Variants in SUPT20H observed in about 807,000 individuals in gnomAD.
The protein encoded by SUPT20H is SPT20 homolog, SAGA complex component.
In SUPT20H, 82 loss-of-function variants were observed where a neutral mutation model predicts 122.8. The observed-to-expected ratio is 0.67, with a 90% CI of 0.56 to 0.80. SUPT20H has a LOEUF of 0.80. Among genes scored for constraint, SUPT20H ranks in the 30% least tolerant of loss-of-function variants. The pLI, the probability that SUPT20H is intolerant of heterozygous loss-of-function variation, is 0.00. For synonymous variants in SUPT20H, 291 were observed against 313.0 expected, an observed-to-expected ratio of 0.93 and a Z score of 0.74; for missense variants, 831 against 921.6, an observed-to-expected ratio of 0.90 and a Z score of 1.27.
In SUPT20H at chr13:37,009,541, C is replaced by A; in HGVS notation, c.*131G>T. 2 of 1,126,982 alleles carry A rather than the reference C, an allele frequency of 1.8e-6. No homozygotes were observed. The highest frequency in any genetic ancestry group is 2.6e-6 in the Non-Finnish European group (2 of 758,534). The allele number at this position is 1,126,982 out of a possible 1,614,324, so 69.8% of individuals were successfully genotyped here. ...TTTATTTAAAAATGATAAGGTTGTG[C>A]TTCTGTATAAAGTTTGTACATCTAG... On this transcript the variant is annotated 3_prime_UTR_variant, in exon 26 of 26. Coordinates refer to ENST00000350612, the MANE Select transcript of SUPT20H (RefSeq NM_001014286.3).
chr13:37,019,965 A>C (rs914237179), intron 21 of SUPT20H, among the ~76,000 whole-genome samples: 1 of 152,210 alleles, frequency 6.6e-6, no homozygotes, highest in Non-Finnish European at 1.5e-5. Flanking sequence ...AACACAGAGC[A>C]TATCTTAAAG....
chr13:37,045,132 G>T, intron 6 of SUPT20H, 115 bp downstream of exon 6: 1 of 1,354,822 alleles, frequency 7.4e-7, no homozygotes, highest in Non-Finnish European at 1.0e-6. Context: ...TTTATCACTA[G>T]GTCATCACTA....
intron 10 of SUPT20H, among the ~76,000 whole-genome samples, chr13:37,032,154 G>A (rs572132131): frequency 6.6e-6 from 1 of 152,096 alleles, no homozygotes; most frequent in African/African-American, 2.4e-5. Flanking sequence ...TCAGATTTCA[G>A]ACACCAAGAA....
At chr13:37,038,952 T>G (rs908996130) in intron 9 of SUPT20H, 1 of 152,224 alleles carries the variant, frequency 6.6e-6, no homozygotes, top group Non-Finnish European at 1.5e-5. Flanking sequence ...TCACTGATGC[T>G]TTTTGAAAAG....
chr13:37,021,917 T>C (rs577154730), intron 20 of SUPT20H, 94 bp downstream of exon 20: 9 of 1,380,428 alleles, frequency 6.5e-6, no homozygotes, highest in Admixed American at 2.3e-5. Flanking sequence ...CTGAGTAATA[T>C]GCGGTTTGTT....
chr13:37,040,409 G>A lies in SUPT20H; in HGVS notation c.563C>T (p.Thr188Ile). ...HSITSDNHKW[T>I]QEDKLLLESQ... ...TTAAAAAACAAAACAACTAACCTGG[G>A]TCCATTTGTGGTTATCACTTGTTAT... Residue 188 changes from threonine (T) to isoleucine (I), a missense_variant, in exon 9 of 26, where the codon ACC becomes ATC. By Grantham distance (89) the Thr-to-Ile change is moderately conservative (BLOSUM62 -1). Coordinates refer to ENST00000350612, the MANE Select transcript of SUPT20H (RefSeq NM_001014286.3). The A allele has an allele frequency of 4.5e-6, 7 of 1,565,520 alleles. No individual in the cohort carries two copies. The highest frequency in any genetic ancestry group is 6.0e-6 in the Non-Finnish European group (7 of 1,164,612).
chr13:37,033,431 T>C lies in SUPT20H; in HGVS notation c.707+18A>G. The C allele has an allele frequency of 6.2e-7, 1 of 1,607,106 alleles. No individual in the cohort carries two copies. The highest frequency in any genetic ancestry group is 8.5e-7 in the Non-Finnish European group (1 of 1,176,584). ...GCTACTTGTGTCTTTTGGTTCACCC[T>C]TCCACAAAGGCAATTACCGTTTCAT... On this transcript the variant is annotated intron_variant, in intron 10 of 25. Transcript: ENST00000350612.
Position 37,009,379 on chromosome 13 carries a change from T to C in SUPT20H, c.*293A>G. On this transcript the variant is annotated 3_prime_UTR_variant, in exon 26 of 26. Transcript: ENST00000350612. ...GCACAAACGTTTTATACTAAATAAA[T>C]ATCAAACTACATTCTTCTGAAAGAT... The C allele has an allele frequency of 1.2e-6, 1 of 803,872 alleles. No individual in the cohort carries two copies. Among genetic ancestry groups the C allele is most frequent in the Non-Finnish European group, 2.0e-6 (1 of 491,582 alleles). 49.8% of individuals were successfully genotyped at this position (803,872 alleles called of 1,614,324 possible).
intron 22 of SUPT20H, among the ~76,000 whole-genome samples, chr13:37,018,397 A>G (rs570064543): frequency 2.0e-5 from 3 of 152,350 alleles, no homozygotes; most frequent in Non-Finnish European, 2.9e-5. Context: ...TTGTTCTGCA[A>G]TTAGTCTGTA....
chr13:37,031,620 C>T lies in SUPT20H; in HGVS notation c.868G>A (p.Val290Ile), dbSNP rs1271077698. Residue 290 changes from valine (V) to isoleucine (I), a missense_variant, in exon 12 of 26, where the codon GTA becomes ATA. Coordinates refer to ENST00000350612, the MANE Select transcript of SUPT20H (RefSeq NM_001014286.3). The part of the protein sequence containing the change: ...DLKISKAGNC[V>I]DMWKRSPCNL... ...CAGGGACTCCGTTTCCACATATCTA[C>T]ACACTGAAAAATTAAAAACAATATA... is the stretch of plus-strand genomic sequence containing the variant. 1.0e-5 allele frequency: 16 copies of T among 1,566,998 alleles called. No homozygotes were observed. Among genetic ancestry groups the T allele is most frequent in the African/African-American group, 1.4e-5 (1 of 72,384 alleles).
intron 2 of SUPT20H, among the ~76,000 whole-genome samples, chr13:37,050,448 C>A (rs1212823258): frequency 6.6e-6 from 1 of 151,948 alleles, no homozygotes; most frequent in Non-Finnish European, 1.5e-5. Context: ...TTCCCTGATC[C>A]CATGTTCCAC....
In SUPT20H at chr13:37,009,777, C is replaced by A; in HGVS notation, c.2235G>T (p.Met745Ile). The stretch of plus-strand genomic sequence containing the variant: ...GAGCTGTTTGTGCTGCTGCTGCTGC[C>A]ATAGCCATTTGATGCTGCAAGAATC... ...QLRFLQHQMA[M>I]AAAAAQTAQL... Residue 745 changes from methionine to isoleucine, a missense_variant, in exon 26 of 26, where the codon ATG (methionine) becomes ATT (isoleucine). Transcript: ENST00000350612. 1 of 1,612,578 alleles carries A rather than the reference C, an allele frequency of 6.2e-7. No homozygotes were observed. Among genetic ancestry groups the A allele is most frequent in the Middle Eastern group, 1.7e-4 (1 of 6,058 alleles).
chr13:37,023,717 T>C (rs977659196), intron 19 of SUPT20H: 12 of 188,848 alleles, frequency 6.4e-5, no homozygotes, highest in African/African-American at 2.3e-4. Flanking sequence ...TAGGGTACAC[T>C]GGAATAAAAA....
chr13:37,032,236 A>G (rs2063482164), intron 10 of SUPT20H, among the ~76,000 whole-genome samples: 1 of 151,968 alleles, frequency 6.6e-6, no homozygotes, highest in Non-Finnish European at 1.5e-5. Context: ...AGGAATGGGG[A>G]GAGGGAGGGG....
intron 24 of SUPT20H, among the ~76,000 whole-genome samples, chr13:37,011,847 A>G (rs561948796): frequency 5.9e-5 from 9 of 152,342 alleles, no homozygotes; most frequent in African/African-American, 2.2e-4. Flanking sequence ...CAATCTAGAA[A>G]AATTCAGTCT....
At chr13:37,017,479 G>T (rs1384428497) in intron 22 of SUPT20H, 115 bp from the exon 23 acceptor site, 1 of 1,094,336 alleles carries the variant, frequency 9.1e-7, no homozygotes, top group Admixed American at 3.1e-5. Flanking sequence ...TCTAGTTATT[G>T]AAGAAACAGG....
Position 37,009,670 on chromosome 13 carries a change from A to T in SUPT20H, c.*2T>A. 6.2e-7 allele frequency: 1 copy of T among 1,613,260 alleles called. No homozygotes were observed. Among genetic ancestry groups the T allele is most frequent in the Non-Finnish European group, 8.5e-7 (1 of 1,179,816 alleles). On this transcript the variant is annotated 3_prime_UTR_variant, in exon 26 of 26. Transcript: ENST00000350612. ...AAAAAGGAACAAAAAGTAATGCAAG[A>T]CTCAAAATTTTGGAGTGGTTGGCGT...
At chr13:37,051,827 C>T (rs1594549595) in intron 1 of SUPT20H, among the ~76,000 whole-genome samples, 1 of 152,110 alleles carries the variant, frequency 6.6e-6, no homozygotes, top group Non-Finnish European at 1.5e-5. Context: ...AATTATTACT[C>T]CTTTTCTCAA....
chr13:37,033,547 T>G lies in SUPT20H; in HGVS notation c.609A>C (p.Thr203=), dbSNP rs2063786737. 1.2e-6 allele frequency: 2 copies of G among 1,613,432 alleles called. No homozygotes were observed. Among genetic ancestry groups the G allele is most frequent in the African/African-American group, 1.3e-5 (1 of 74,924 alleles). The change falls in exon 10 of 26, where the codon ACA becomes ACC. Residue 203 remains threonine, a synonymous_variant. Transcript: ENST00000350612. ...LLLESQLILA[T]AEPLCLDPSI... is the part of the protein sequence containing the mutation. ...AAGGATCAAGACAGAGTGGTTCAGCTGTAGCTAGGATGAGCTGGCTCTCAA... is the reference window on the plus strand; with the variant it reads ...AAGGATCAAGACAGAGTGGTTCAGCGGTAGCTAGGATGAGCTGGCTCTCAA...
Sources: gnomAD v4.1 joint callset for allele counts (sites outside exome capture counted in the v4.1 genomes callset) on GRCh38, gnomAD v4.1.1 for gene constraint, MANE v1.5 for transcripts, NCBI Gene and HGNC (gene_info 2026-07-23, HGNC 2026-07-21) for gene names.